The following TLE2 variants were observed in gnomAD, a reference collection of about 807,000 sequenced individuals.
The protein encoded by TLE2 is TLE family member 2, transcriptional corepressor, also known as transducin-like enhancer protein 2.
In TLE2, 74 loss-of-function variants were observed where a neutral mutation model predicts 97.2. The ratio of observed to expected loss-of-function variants is 0.76; its 90% CI spans 0.63 to 0.92. The LOEUF is 0.92. TLE2 is among the 40% of genes least tolerant of loss of function. The pLI, the probability that TLE2 is intolerant of heterozygous loss-of-function variation, is 0.00. For synonymous variants in TLE2, 499 were observed against 432.1 expected (o/e 1.15, Z -1.92); for missense variants, 1,038 against 1,008.7 (o/e 1.03, Z -0.39).
At chr19:3,044,185 A>G (rs992580672) in intron 1 of TLE2, among the ~76,000 whole-genome samples, 5 of 151,652 alleles carry the variant, frequency 3.3e-5, no homozygotes, top group African/African-American at 1.2e-4. Context: ...AAAAAAAACA[A>G]AAACAAACCA....
At chr19:3,015,060 A>C (rs1368404396) in intron 9 of TLE2, among the ~76,000 whole-genome samples, 1 of 50,098 alleles carries the variant, frequency 2.0e-5, no homozygotes. Flanking sequence ...TTCATTGCCA[A>C]AAAAAAAAAA....
At chr19:3,041,446 T>A (rs1469676547) in intron 1 of TLE2, among the ~76,000 whole-genome samples, 1 of 152,064 alleles carries the variant, frequency 6.6e-6, no homozygotes, top group African/African-American at 2.4e-5. Context: ...GCCACCGGGA[T>A]TCCCTCTGCC....
intron 15 of TLE2, 143 bp from the exon 16 acceptor site, chr19:3,006,111 C>T: frequency 9.1e-7 from 1 of 1,103,282 alleles, no homozygotes; most frequent in South Asian, 1.2e-5. Context: ...GCTGGTGAGC[C>T]CCGCCCCTTT....
intron 19 of TLE2, 27 bp from the exon 20 acceptor site, chr19:2,997,982 G>C: frequency 6.5e-7 from 1 of 1,531,736 alleles, no homozygotes; most frequent in Non-Finnish European, 9.0e-7. Flanking sequence ...GAGAGAAAAG[G>C]GCACAGTGAG....
intron 1 of TLE2, among the ~76,000 whole-genome samples, chr19:3,042,634 GGGCGA>G: frequency 2.0e-5 from 3 of 151,750 alleles, no homozygotes; most frequent in African/African-American, 7.3e-5. Flanking sequence ...GAGACAGAGG[GGGCGA>G]GGCGAGGGAG....
At chr19:3,012,588 C>T (rs558261278) in intron 11 of TLE2, among the ~76,000 whole-genome samples, 5 of 152,276 alleles carry the variant, frequency 3.3e-5, no homozygotes, top group African/African-American at 7.2e-5. Context: ...GACCCCACAG[C>T]GGCATATTCC....
At chr19:3,009,082 C>T in intron 13 of TLE2, 137 bp from the exon 14 acceptor site, 1 of 619,092 alleles carries the variant, frequency 1.6e-6, no homozygotes, top group East Asian at 3.2e-5. Context: ...CTCTGCCTGT[C>T]ACACTACAGA....
chr19:3,021,118 G>T (rs188581871), intron 5 of TLE2, among the ~76,000 whole-genome samples: 9,610 of 119,104 alleles, frequency 0.081, 1,206 homozygotes, highest in East Asian at 0.26. Context: ...AAAAAAAGGG[G>T]GGGGGGTGCT....
chr19:3,033,876 A>T (rs2090044255), upstream of TLE2, among the ~76,000 whole-genome samples: 1 of 151,750 alleles, frequency 6.6e-6, no homozygotes, highest in African/African-American at 2.4e-5. Flanking sequence ...TAACAAACGT[A>T]GGTCTCTGTC....
At chr19:3,043,197 C>T (rs1000219547) in intron 1 of TLE2, among the ~76,000 whole-genome samples, 7 of 151,514 alleles carry the variant, frequency 4.6e-5, no homozygotes, top group Admixed American at 2.6e-4. Context: ...GGCAAGATCA[C>T]GGCTCCCTGC....
chr19:3,001,638 ACTGG>A (rs1324671804), intron 18 of TLE2, among the ~76,000 whole-genome samples: 1 of 151,668 alleles, frequency 6.6e-6, no homozygotes, highest in South Asian at 2.1e-4. Context: ...GGTGCGACCT[ACTGG>A]CTGTTTAATT....
At chr19:3,022,238 TA>T (rs1468193788) in intron 5 of TLE2, among the ~76,000 whole-genome samples, 1 of 151,986 alleles carries the variant, frequency 6.6e-6, no homozygotes, top group African/African-American at 2.4e-5. Context: ...AAAATTTTTT[TA>T]GGCCAGGTGC....
intron 5 of TLE2, among the ~76,000 whole-genome samples, chr19:3,021,049 AC>A (rs1381256187): frequency 3.7e-5 from 5 of 133,572 alleles, no homozygotes; most frequent in South Asian, 2.5e-4. Context: ...AGATTGCACC[AC>A]TGCACTCCAG....
At position 2,997,684 on chromosome 19, in the gene TLE2, A is replaced by G. The variant is rs745875173; in HGVS notation, c.*164T>C. On this transcript the variant is annotated 3_prime_UTR_variant, in exon 20 of 20. Coordinates refer to ENST00000262953, the MANE Select transcript of TLE2 (RefSeq NM_003260.5). The stretch of plus-strand genomic sequence containing the variant: ...TTATTTCCACCGAGGTCCCCTGCCC[A>G]TCGGCCCCCACATGCAGCAGGGGAA... 4.4e-5 allele frequency: 26 copies of G among 594,966 alleles called. No individual in the cohort carries two copies. The highest frequency in any genetic ancestry group is 6.4e-5 in the Non-Finnish European group (21 of 327,776). The allele number at this position is 594,966 out of a possible 1,614,324, so 36.9% of individuals were successfully genotyped here.
rs560182210 is a variant in TLE2, at chr19:3,044,263, CT to C, written c.63+1462del. 2.0e-3 allele frequency among the ~76,000 whole-genome samples: 307 copies of C among 152,300 alleles called. 2 individuals carry two copies. The highest frequency in any genetic ancestry group is 3.2e-3 in the Admixed American group (49 of 15,294). Reference sequence around the variant, plus strand: ...TCAGTTTCCCCTCCAGCCTGCCCCCCTGGTGTCCCATGGAGGATCTCGATAA... The same window carrying C: ...TCAGTTTCCCCTCCAGCCTGCCCCCCGGTGTCCCATGGAGGATCTCGATAA... On this transcript the variant is annotated intron_variant, in intron 1 of 18. Transcript: ENST00000426948.
chr19:3,020,680 A>T (rs58605703), intron 5 of TLE2: 28,348 of 152,108 alleles, frequency 0.19, 2,812 homozygotes, highest in Admixed American at 0.2. Context: ...TCATTCTCTG[A>T]GTTCTCTTTG....
At chr19:3,012,179 G>A (rs1244004103) in intron 11 of TLE2, among the ~76,000 whole-genome samples, 1 of 152,142 alleles carries the variant, frequency 6.6e-6, no homozygotes, top group African/African-American at 2.4e-5. Context: ...CTTGAACCTG[G>A]GAGGCAGTGG....
chr19:3,043,031 G>A (rs1334553632), intron 1 of TLE2, among the ~76,000 whole-genome samples: 1 of 152,032 alleles, frequency 6.6e-6, no homozygotes, highest in East Asian at 1.9e-4. Context: ...TGTGGCCCAG[G>A]CTGCTCTCAA....
chr19:3,008,307 TCCAGG>T (rs1212785747), intron 14 of TLE2, among the ~76,000 whole-genome samples: 2 of 151,916 alleles, frequency 1.3e-5, no homozygotes, highest in African/African-American at 2.4e-5. Flanking sequence ...GCCTCCACAC[TCCAGG>T]CCAGGAACGT....
Sources: gnomAD v4.1 joint callset for allele counts (sites outside exome capture counted in the v4.1 genomes callset) on GRCh38, gnomAD v4.1.1 for gene constraint, MANE v1.5 for transcripts, NCBI Gene and HGNC (gene_info 2026-07-23, HGNC 2026-07-21) for gene names.